The following B3GAT3 variants were observed in gnomAD, a reference collection of about 807,000 sequenced individuals.
B3GAT3 encodes the protein beta-1,3-glucuronyltransferase 3.
In B3GAT3, 19 loss-of-function variants were observed where a neutral mutation model predicts 33.1. The observed-to-expected ratio is 0.57, with a 90% CI of 0.40 to 0.84. The LOEUF (loss-of-function observed/expected upper bound fraction) is 0.84, where lower values mean the gene tolerates loss of function less well. B3GAT3 is among the 40% of genes least tolerant of loss of function. The pLI is 0.00. For synonymous variants in B3GAT3, 167 were observed against 193.5 expected (o/e 0.86, Z 1.14); for missense variants, 344 against 441.5 (o/e 0.78, Z 1.98).
intron 3 of B3GAT3, 77 bp from the exon 4 acceptor site, chr11:62,616,873 C>T: frequency 1.2e-6 from 2 of 1,612,134 alleles, no homozygotes; most frequent in Non-Finnish European, 1.7e-6. Flanking sequence ...CTGGCTCACT[C>T]TGCCCCACTG....
intron 3 of B3GAT3, 76 bp downstream of exon 3, chr11:62,616,911 G>A (rs1943041053): frequency 1.6e-5 from 26 of 1,612,876 alleles, no homozygotes; most frequent in South Asian, 6.6e-5. Flanking sequence ...AGCAGCCAAC[G>A]GCAACACTGC....
chr11:62,618,195 A>AC (rs1049219479), intron 2 of B3GAT3, among the ~76,000 whole-genome samples: 4 of 151,270 alleles, frequency 2.6e-5, no homozygotes, highest in East Asian at 1.9e-4. Flanking sequence ...AAAAAAAAAA[A>AC]AAAAAAAAAC....
At position 62,615,548 on chromosome 11, in the gene B3GAT3, A is replaced by G; in HGVS notation, c.*153T>C. 7.3e-7 allele frequency: 1 copy of G among 1,375,806 alleles called. No homozygotes were observed. The allele number at this position is 1,375,806 out of a possible 1,614,324, so 85.2% of individuals were successfully genotyped here. A position where few individuals can be genotyped will look rare whatever the true frequency, so the allele number is the denominator to read the frequency against. On this transcript the variant is annotated 3_prime_UTR_variant, in exon 5 of 5. Coordinates refer to ENST00000265471, the MANE Select transcript of B3GAT3 (RefSeq NM_012200.4). ...ACACGGCAGGCTAGGGGAGGGGTGA[A>G]GCAGCAGGACCATGCCCTGGGCCTG...
Position 62,621,392 on chromosome 11 carries a change from G to C in B3GAT3, c.82+474C>G, listed in dbSNP as rs1036447538. The stretch of plus-strand genomic sequence containing the variant: ...AATAAAAGGGAATGGAATTAAGAAT[G>C]GTAACTTTAGCTATGGTGGTCAGGG... On this transcript the variant is annotated intron_variant, in intron 1 of 4. Coordinates refer to ENST00000265471, the MANE Select transcript of B3GAT3 (RefSeq NM_012200.4). 70 of 448,760 alleles carry C rather than the reference G, an allele frequency of 1.6e-4. 1 individual carries two copies. In the Admixed American group the frequency reaches 1.7e-3, roughly 11 times the overall value. The allele number at this position is 448,760 out of a possible 1,614,324, so 27.8% of individuals were successfully genotyped here. A position where few individuals can be genotyped will look rare whatever the true frequency, so the allele number is the denominator to read the frequency against.
In B3GAT3 at chr11:62,615,711, A is replaced by G. The variant is rs763747195; in HGVS notation, c.998T>C (p.Ile333Thr). 46 of 1,613,514 alleles carry G rather than the reference A, an allele frequency of 2.9e-5. No individual in the cohort carries two copies. Among genetic ancestry groups the G allele is most frequent in the Non-Finnish European group, 3.7e-5 (44 of 1,179,970 alleles). Residue 333 changes from isoleucine to threonine, a missense_variant, in exon 5 of 5, where the codon ATT becomes ACT. By Grantham distance (89) the Ile-to-Thr change is moderately conservative (BLOSUM62 -1). Transcript: ENST00000265471. ...GGGGTGGGGCCGCCATCACACCTCA[A>G]TTGCTGGGTCTGAGCCCCGGCCCTG... is the stretch of plus-strand genomic sequence containing the variant. ...QRQGRGSDPA[I>T]EV
chr11:62,615,334 G>C lies in B3GAT3; in HGVS notation c.*367C>G. On this transcript the variant is annotated 3_prime_UTR_variant, in exon 5 of 5. Coordinates refer to ENST00000265471, the MANE Select transcript of B3GAT3 (RefSeq NM_012200.4). ...TCTTTATTCTGGAGGTAGGAAGGGG[G>C]TCAGCATGCTCAGGTGGGAAGGGTC... 2.4e-6 allele frequency: 1 copy of C among 414,070 alleles called. No homozygotes were observed. The highest frequency in any genetic ancestry group is 4.5e-6 in the Non-Finnish European group (1 of 223,618). 25.6% of individuals were successfully genotyped at this position (414,070 alleles called of 1,614,324 possible).
intron 4 of B3GAT3, 142 bp downstream of exon 4, chr11:62,616,364 C>G (rs1943026888): frequency 1.6e-6 from 2 of 1,254,156 alleles, no homozygotes; most frequent in East Asian, 4.9e-5. Flanking sequence ...CCCAGCTTCC[C>G]CTTCAGTAGA....
intron 3 of B3GAT3, 48 bp from the exon 4 acceptor site, chr11:62,616,844 G>C (rs1232687210): frequency 1.2e-6 from 2 of 1,612,944 alleles, no homozygotes; most frequent in Non-Finnish European, 8.5e-7. Context: ...CCGGGGAAGG[G>C]AGCAGCAGAA....
At chr11:62,617,882 A>G (rs541328210) in intron 2 of B3GAT3, among the ~76,000 whole-genome samples, 18 of 150,680 alleles carry the variant, frequency 1.2e-4, no homozygotes, top group African/African-American at 4.4e-4. Context: ...CATCTCAAAA[A>G]AAAAAAAAAA....
Position 62,615,531 on chromosome 11 carries a change from G to A in B3GAT3, c.*170C>T. ...AGCCTGTGGGCAGTGCCACACGGCAGGCTAGGGGAGGGGTGAAGCAGCAGG... is the reference window on the plus strand; with the variant it reads ...AGCCTGTGGGCAGTGCCACACGGCAAGCTAGGGGAGGGGTGAAGCAGCAGG... On this transcript the variant is annotated 3_prime_UTR_variant, in exon 5 of 5. Coordinates refer to ENST00000265471, the MANE Select transcript of B3GAT3 (RefSeq NM_012200.4). 1 of 1,260,188 alleles carries A rather than the reference G, an allele frequency of 7.9e-7. No homozygotes were observed. Among genetic ancestry groups the A allele is most frequent in the Admixed American group, 2.1e-5 (1 of 48,080 alleles). 78.1% of individuals were successfully genotyped at this position (1,260,188 alleles called of 1,614,324 possible).
intron 2 of B3GAT3, among the ~76,000 whole-genome samples, chr11:62,618,613 G>A (rs971892013): frequency 4.7e-5 from 7 of 149,036 alleles, no homozygotes; most frequent in Admixed American, 1.4e-4. Context: ...AGTGAGCCAA[G>A]ATCACGCCAT....
intron 2 of B3GAT3, among the ~76,000 whole-genome samples, chr11:62,619,506 C>CTATTTCTGG (rs1385725577): frequency 2.0e-5 from 3 of 151,858 alleles, no homozygotes; most frequent in Non-Finnish European, 4.4e-5. Context: ...GCTGGTATAA[C>CTATTTCTGG]TATTTCTGGA....
chr11:62,620,796 C>T, intron 1 of B3GAT3, 125 bp from the exon 2 acceptor site: 1 of 889,204 alleles, frequency 1.1e-6, no homozygotes, highest in Non-Finnish European at 1.7e-6. Flanking sequence ...CTTATGACTT[C>T]CCTAGTAGCC....
intron 4 of B3GAT3, chr11:62,616,167 C>A: frequency 1.9e-6 from 1 of 533,556 alleles, no homozygotes; most frequent in Non-Finnish European, 3.2e-6. Context: ...TGGTGTGAAC[C>A]CGGGAGGCGG....
chr11:62,620,006 TTTTTTTC>T (rs1943115048), intron 2 of B3GAT3, among the ~76,000 whole-genome samples: 1 of 152,116 alleles, frequency 6.6e-6, no homozygotes, highest in South Asian at 2.1e-4. Context: ...AAAGAACTAT[TTTTTTTC>T]TTTTTTCTTT....
intron 1 of B3GAT3, 75 bp from the exon 2 acceptor site, chr11:62,620,746 C>G (rs560506280): frequency 7.1e-7 from 1 of 1,416,786 alleles, no homozygotes; most frequent in Admixed American, 1.9e-5. Flanking sequence ...CCCAAAGGGC[C>G]GTAATCGTCT....
chr11:62,615,977 C>T (rs1206789383), intron 4 of B3GAT3, 178 bp from the exon 5 acceptor site: 19 of 1,478,302 alleles, frequency 1.3e-5, no homozygotes, highest in African/African-American at 7.0e-5. Flanking sequence ...GGGCGCGTGG[C>T]TCACGCCTGT....
At chr11:62,621,778 G>A (rs1943149506) in intron 1 of B3GAT3, 88 bp downstream of exon 1, 3 of 1,370,074 alleles carry the variant, frequency 2.2e-6, no homozygotes, top group East Asian at 5.0e-5. Context: ...GATGAATGGT[G>A]TTTGCCGGGG....
rs193117770 is a variant in B3GAT3, at chr11:62,617,457, C to G, written c.258-110G>C. 7.0e-6 allele frequency: 10 copies of G among 1,430,162 alleles called. No individual in the cohort carries two copies. In the African/African-American group the frequency reaches 1.4e-4, roughly 20 times the overall value. 88.6% of individuals were successfully genotyped at this position (1,430,162 alleles called of 1,614,324 possible). On this transcript the variant is annotated intron_variant, in intron 2 of 4. Coordinates refer to ENST00000265471, the MANE Select transcript of B3GAT3 (RefSeq NM_012200.4). ...CTGCCTGCGTCTCCTGTGGCCCTTC[C>G]CAACCAATGCCTAAACTCCCTCTTT...
Sources: allele counts gnomAD v4.1 joint callset (sites outside exome capture counted in the v4.1 genomes callset), GRCh38; gene constraint gnomAD v4.1.1; transcripts MANE v1.5; gene names NCBI Gene and HGNC (gene_info 2026-07-23, HGNC 2026-07-21).